The following ASTN2 variants were observed in gnomAD, a reference collection of about 807,000 sequenced individuals.
The protein encoded by ASTN2 is astrotactin-2.
Under a neutral mutation model 139.8 loss-of-function variants are expected in ASTN2, and 54 were observed. The ratio of observed to expected loss-of-function variants is 0.39; its 90% CI spans 0.31 to 0.48. The LOEUF is 0.48. Ranked by LOEUF, ASTN2 falls within the 20% of genes least tolerant of loss-of-function variation. ASTN2 has a pLI of 0.95. For missense variants in ASTN2, 1,565 were observed against 1,725.1 expected (o/e 0.91, Z 1.64); for synonymous variants, 756 against 719.5 (o/e 1.05, Z -0.81).
At chr9:117,155,137 A>C (rs1411335499) in intron 3 of ASTN2, among the ~76,000 whole-genome samples, 1 of 152,052 alleles carries the variant, frequency 6.6e-6, no homozygotes, top group Non-Finnish European at 1.5e-5. Flanking sequence ...TCCCATATGC[A>C]TCCCAGAAAT....
chr9:117,061,126 C>T (rs1370057022), intron 5 of ASTN2, among the ~76,000 whole-genome samples: 1 of 150,686 alleles, frequency 6.6e-6, no homozygotes, highest in Non-Finnish European at 1.5e-5. Context: ...CAGTTACAAA[C>T]TATACACCAG....
chr9:116,649,925 T>C (rs2131921792), intron 17 of ASTN2, among the ~76,000 whole-genome samples: 1 of 152,332 alleles, frequency 6.6e-6, no homozygotes, highest in African/African-American at 2.4e-5. Flanking sequence ...GTCTTAGTCA[T>C]GAGGCATTTC....
chr9:116,714,212 G>A (rs1291546257), intron 16 of ASTN2, among the ~76,000 whole-genome samples: 1 of 152,148 alleles, frequency 6.6e-6, no homozygotes. Context: ...TCCAGGCTGT[G>A]CTATCTGACA....
At chr9:117,322,017 C>A (rs148583872) in intron 1 of ASTN2, among the ~76,000 whole-genome samples, 2 of 152,280 alleles carry the variant, frequency 1.3e-5, no homozygotes, top group African/African-American at 4.8e-5. Context: ...GCCATGGTGT[C>A]TTTCACCACT....
At chr9:116,473,978 T>C (rs998103424) in intron 20 of ASTN2, among the ~76,000 whole-genome samples, 3 of 152,160 alleles carry the variant, frequency 2.0e-5, no homozygotes, top group Non-Finnish European at 4.4e-5. Context: ...GGACACCCTA[T>C]GCTTGGGAGC....
intron 22 of ASTN2, among the ~76,000 whole-genome samples, chr9:116,439,335 G>A (rs923477089): frequency 6.3e-5 from 9 of 141,806 alleles, no homozygotes; most frequent in Admixed American, 4.8e-4. Context: ...CGAGTAGCTG[G>A]GACTACAGGC....
At chr9:117,130,470 C>T (rs1829801480) in intron 4 of ASTN2, among the ~76,000 whole-genome samples, 1 of 152,164 alleles carries the variant, frequency 6.6e-6, no homozygotes, top group Non-Finnish European at 1.5e-5. Context: ...CACCTGACCC[C>T]CTACCTGGAG....
At chr9:117,132,447 C>T (rs563122516) in intron 4 of ASTN2, among the ~76,000 whole-genome samples, 28 of 152,154 alleles carry the variant, frequency 1.8e-4, no homozygotes, top group Non-Finnish European at 3.4e-4. Context: ...AGAGTTGTAT[C>T]CCTAGGCCCC....
chr9:117,038,637 G>C (rs144004925), intron 6 of ASTN2, among the ~76,000 whole-genome samples: 1 of 152,174 alleles, frequency 6.6e-6, no homozygotes, highest in Non-Finnish European at 1.5e-5. Context: ...TTTTTAAAGG[G>C]TAAAAAGTTC....
chr9:116,552,973 G>C (rs1587988695), intron 19 of ASTN2, among the ~76,000 whole-genome samples: 1 of 152,222 alleles, frequency 6.6e-6, no homozygotes, highest in African/African-American at 2.4e-5. Flanking sequence ...CAGGACTGAA[G>C]GTGAAAAGAC....
intron 10 of ASTN2, among the ~76,000 whole-genome samples, chr9:116,871,044 G>A (rs1043723022): frequency 6.6e-5 from 10 of 152,092 alleles, no homozygotes; most frequent in Non-Finnish European, 8.8e-5. Context: ...AGATCTTGAG[G>A]CCAGGAGATC....
intron 19 of ASTN2, among the ~76,000 whole-genome samples, chr9:116,488,462 C>G (rs1052204031): frequency 5.9e-5 from 9 of 151,926 alleles, no homozygotes; most frequent in Admixed American, 5.2e-4. Flanking sequence ...CAGATATGAA[C>G]AAAAATTAAG....
At chr9:117,001,801 C>T (rs1204510328) in intron 7 of ASTN2, among the ~76,000 whole-genome samples, 1 of 152,086 alleles carries the variant, frequency 6.6e-6, no homozygotes, top group Non-Finnish European at 1.5e-5. Context: ...TAATGCATTG[C>T]TCTTGATTTA....
At chr9:117,174,391 T>C (rs981685301) in intron 3 of ASTN2, among the ~76,000 whole-genome samples, 7 of 151,906 alleles carry the variant, frequency 4.6e-5, no homozygotes, top group Non-Finnish European at 1.0e-4. Flanking sequence ...AAAATAGCCA[T>C]ATAAATATTT....
Position 117,098,199 on chromosome 9 carries a change from G to A in ASTN2, c.1169-2048C>T, listed in dbSNP as rs556898085. Among the ~76,000 whole-genome samples, 5 of 152,292 alleles carry A rather than the reference G, an allele frequency of 3.3e-5. No individual in the cohort carries two copies. The East Asian group carries it at 9.7e-4, about 29-fold the overall frequency. On this transcript the variant is annotated intron_variant, in intron 4 of 22. Transcript: ENST00000313400. Reference sequence around the variant, plus strand: ...TTCGAGTGTCAAGATGCTAAGTACAGCATTCAGAGCTTTGTATACAACATC... The same window carrying A: ...TTCGAGTGTCAAGATGCTAAGTACAACATTCAGAGCTTTGTATACAACATC...
chr9:116,424,234 AG>A lies in ASTN2; in HGVS notation c.*1616del, dbSNP rs1564266058. Among the ~76,000 whole-genome samples the A allele has an allele frequency of 4.6e-5, 7 of 152,326 alleles. No individual in the cohort carries two copies. The South Asian group carries it at 1.5e-3, about 32-fold the overall frequency. On this transcript the variant is annotated 3_prime_UTR_variant, in exon 23 of 23. Coordinates refer to ENST00000313400, the MANE Select transcript of ASTN2 (RefSeq NM_001365068.1). ...AGCTGTTTTAAAAATAGATAAATAA[AG>A]GGAGATTCCAGTGTTGGTATGTCAC...
chr9:116,854,974 C>CCCG (rs892808740), intron 11 of ASTN2, among the ~76,000 whole-genome samples: 4 of 151,574 alleles, frequency 2.6e-5, no homozygotes, highest in African/African-American at 9.8e-5. Context: ...ATTCCCCCCC[C>CCCG]ACCATTATTT....
At chr9:116,944,505 A>G (rs1261990812) in intron 10 of ASTN2, among the ~76,000 whole-genome samples, 1 of 151,730 alleles carries the variant, frequency 6.6e-6, no homozygotes, top group East Asian at 1.9e-4. Flanking sequence ...ACATGGGGAA[A>G]TCCTGCCTCT....
chr9:116,781,635 C>G (rs1195768531), intron 13 of ASTN2, among the ~76,000 whole-genome samples: 3 of 152,126 alleles, frequency 2.0e-5, no homozygotes, highest in Non-Finnish European at 4.4e-5. Flanking sequence ...GCAAAAAGCT[C>G]ATTAGAAACT....
Sources: gnomAD v4.1 joint callset for allele counts (sites outside exome capture counted in the v4.1 genomes callset) on GRCh38, gnomAD v4.1.1 for gene constraint, MANE v1.5 for transcripts, NCBI Gene and HGNC (gene_info 2026-07-23, HGNC 2026-07-21) for gene names.